The following TMEM11 variants were observed in gnomAD, a reference collection of about 807,000 sequenced individuals.
TMEM11 encodes the protein transmembrane protein 11, mitochondrial.
Under a neutral mutation model 17.0 loss-of-function variants are expected in TMEM11, and 1 was observed. The ratio of observed to expected loss-of-function variants is 0.06; its 90% confidence interval spans 0.02 to 0.28. TMEM11 has a LOEUF of 0.28. TMEM11 is among the 10% of genes least tolerant of loss of function. The pLI is 1.00. For missense variants in TMEM11, 172 were observed against 252.9 expected, an observed-to-expected ratio of 0.68 and a Z score of 2.17; for synonymous variants, 122 against 118.1, an observed-to-expected ratio of 1.03 and a Z score of -0.21.
chr17:21,203,991 CTT>C (rs368733534), intron 1 of TMEM11, among the ~76,000 whole-genome samples: 1 of 107,636 alleles, frequency 9.3e-6, no homozygotes, highest in Non-Finnish European at 1.8e-5. Context: ...ATTATATGGA[CTT>C]TTTTTTTTTT....
chr17:21,211,402 T>G (rs953839076), intron 1 of TMEM11, among the ~76,000 whole-genome samples: 1 of 152,350 alleles, frequency 6.6e-6, no homozygotes, highest in South Asian at 2.1e-4. Flanking sequence ...AAGTGGCTAT[T>G]GAGCACTTGA....
At chr17:21,206,644 C>G (rs374523536) in intron 1 of TMEM11, among the ~76,000 whole-genome samples, 30 of 152,132 alleles carry the variant, frequency 2.0e-4, no homozygotes, top group African/African-American at 7.0e-4. Context: ...TCAAGCAATT[C>G]TCTTGCCTCA....
chr17:21,199,534 T>C (rs1253905269), intron 1 of TMEM11, among the ~76,000 whole-genome samples: 1 of 152,098 alleles, frequency 6.6e-6, no homozygotes, highest in Non-Finnish European at 1.5e-5. Flanking sequence ...AAGCCATTCT[T>C]AGTTAATCAG....
intron 1 of TMEM11, among the ~76,000 whole-genome samples, chr17:21,204,431 T>G (rs1354294119): frequency 1.4e-5 from 1 of 73,994 alleles, no homozygotes. Flanking sequence ...AAACTCCGTC[T>G]CAATAAAAAA....
chr17:21,202,892 C>T (rs930352038), intron 1 of TMEM11, among the ~76,000 whole-genome samples: 7 of 152,224 alleles, frequency 4.6e-5, no homozygotes, highest in Non-Finnish European at 1.0e-4. Flanking sequence ...GGGTCTGCCC[C>T]CACCTGCCTG....
At position 21,198,333 on chromosome 17, in the gene TMEM11, A is replaced by G; in HGVS notation, c.570T>C (p.Tyr190=). The G allele has an allele frequency of 6.2e-7, 1 of 1,611,814 alleles. No individual in the cohort carries two copies. Among genetic ancestry groups the G allele is most frequent in the Non-Finnish European group, 8.5e-7 (1 of 1,178,054 alleles). ...CCCTGTTCTACTGAAATCATACGGC[A>G]TAGAGTTCGTAAATCTTCTTTACAC... ...VYCVKKIYEL[Y]AV Residue 190 remains tyrosine (Y), a synonymous_variant, in exon 2 of 2, where the codon TAT becomes TAC. Coordinates refer to ENST00000317635, the MANE Select transcript of TMEM11 (RefSeq NM_003876.3). The surrounding 1 kb of genome is among the most constrained non-coding windows in gnomAD (Gnocchi z 6.5).
At chr17:21,207,905 T>C (rs1185271282) in intron 1 of TMEM11, among the ~76,000 whole-genome samples, 3 of 151,456 alleles carry the variant, frequency 2.0e-5, no homozygotes. Context: ...AACAAGAAAA[T>C]AGATCAACAG....
Position 21,209,718 on chromosome 17 carries a change from G to A in TMEM11, c.62+4373C>T, listed in dbSNP as rs561091294. 1.4e-4 allele frequency among the ~76,000 whole-genome samples: 22 copies of A among 152,244 alleles called. No homozygotes were observed. In the East Asian group the frequency reaches 1.5e-3, roughly 11 times the overall value. ...AGGGAGACGGAGGTTGCAGAGATCC[G>A]AGATCATACCACTGCACTCCAGCCT... On this transcript the variant is annotated intron_variant, in intron 1 of 1. Transcript: ENST00000317635.
At chr17:21,202,416 G>A (rs1325967299) in intron 1 of TMEM11, among the ~76,000 whole-genome samples, 1 of 152,156 alleles carries the variant, frequency 6.6e-6, no homozygotes, top group Non-Finnish European at 1.5e-5. Flanking sequence ...ACCCTAGTGC[G>A]GTACCTTTCT....
chr17:21,213,929 C>A lies in TMEM11; in HGVS notation c.62+162G>T, dbSNP rs185335460. The A allele has an allele frequency of 1.7e-3, 1,189 of 695,050 alleles. 3 individuals carry two copies. The highest frequency in any genetic ancestry group is 4.5e-3 in the Middle Eastern group (11 of 2,430). 43.1% of individuals were successfully genotyped at this position (695,050 alleles called of 1,614,324 possible). On this transcript the variant is annotated intron_variant, in intron 1 of 1. Coordinates refer to ENST00000317635, the MANE Select transcript of TMEM11 (RefSeq NM_003876.3). Reference sequence around the variant, plus strand: ...CGAGGCCTTCGACCTCGCTCCCACCCGGATCCCGGATCCTCCGGAACTGGA... The same window carrying A: ...CGAGGCCTTCGACCTCGCTCCCACCAGGATCCCGGATCCTCCGGAACTGGA...
At chr17:21,204,240 CCTGG>C (rs1338668286) in intron 1 of TMEM11, among the ~76,000 whole-genome samples, 5 of 151,228 alleles carry the variant, frequency 3.3e-5, no homozygotes, top group Admixed American at 6.6e-5. Context: ...TCGAGACCAG[CCTGG>C]CTAACACGGT....
chr17:21,210,646 C>T (rs1274334858), intron 1 of TMEM11, among the ~76,000 whole-genome samples: 1 of 152,178 alleles, frequency 6.6e-6, no homozygotes, highest in South Asian at 2.1e-4. Context: ...ACCAGGCACA[C>T]CTGAGTTCAC....
chr17:21,202,747 C>T (rs746033879), intron 1 of TMEM11, among the ~76,000 whole-genome samples: 24 of 152,220 alleles, frequency 1.6e-4, no homozygotes, highest in African/African-American at 4.8e-4. Flanking sequence ...AGGTGTGGCC[C>T]GCCCCCCAGC....
At chr17:21,204,962 CA>C (rs1373343454) in intron 1 of TMEM11, among the ~76,000 whole-genome samples, 1 of 152,090 alleles carries the variant, frequency 6.6e-6, no homozygotes, top group Non-Finnish European at 1.5e-5. Flanking sequence ...AGCTTGCAGG[CA>C]CTCATAAAGT....
chr17:21,206,896 C>T (rs149984437), intron 1 of TMEM11, among the ~76,000 whole-genome samples: 371 of 152,240 alleles, frequency 2.4e-3, no homozygotes, highest in Non-Finnish European at 3.9e-3. Flanking sequence ...CAGAGCAACT[C>T]CCCCATCGGA....
intron 1 of TMEM11, among the ~76,000 whole-genome samples, chr17:21,204,007 T>A (rs1304978484): frequency 2.7e-5 from 4 of 146,950 alleles, no homozygotes; most frequent in South Asian, 2.2e-4. Flanking sequence ...TTTTTTTTTT[T>A]AAGTAAGAGC....
intron 1 of TMEM11, among the ~76,000 whole-genome samples, chr17:21,210,569 GACCCA>G (rs1165511841): frequency 6.6e-6 from 1 of 152,226 alleles, no homozygotes; most frequent in Non-Finnish European, 1.5e-5. Context: ...CCGGGACCAT[GACCCA>G]ACCTGCCCCC....
chr17:21,212,561 ACTG>A (rs1975014340), intron 1 of TMEM11, among the ~76,000 whole-genome samples: 1 of 152,244 alleles, frequency 6.6e-6, no homozygotes. Flanking sequence ...CAGCCTATGC[ACTG>A]CTAATTTGCA....
chr17:21,199,088 G>A lies in TMEM11; in HGVS notation c.63-248C>T, dbSNP rs149302322. 2.5e-4 allele frequency among the ~76,000 whole-genome samples: 33 copies of A among 130,046 alleles called. No individual in the cohort carries two copies. In the East Asian group the frequency reaches 5.6e-3, roughly 22 times the overall value. 85.3% of individuals were successfully genotyped at this position (130,046 alleles called of 152,430 possible). A position where few individuals can be genotyped will look rare whatever the true frequency, so the allele number is the denominator to read the frequency against. ...TGTAATCCTAGCACTTTGGGAGGCC[G>A]GGGGGGCGGATCATGAGGTCAGGAG... On this transcript the variant is annotated intron_variant, in intron 1 of 1. Coordinates refer to ENST00000317635, the MANE Select transcript of TMEM11 (RefSeq NM_003876.3).
Sources: gnomAD v4.1 joint callset for allele counts (sites outside exome capture counted in the v4.1 genomes callset) on GRCh38, gnomAD v4.1.1 for gene constraint, Gnocchi (gnomAD v3.1) non-coding constraint, MANE v1.5 for transcripts, NCBI Gene and HGNC (gene_info 2026-07-23, HGNC 2026-07-21) for gene names.